The following GPC3 variants were observed in gnomAD, a reference collection of about 807,000 sequenced individuals.
GPC3 encodes glypican-3.
In GPC3, 3 loss-of-function variants were observed where a neutral mutation model predicts 34.4. The observed-to-expected ratio is 0.09, with a 90% confidence interval of 0.04 to 0.23. GPC3 has a LOEUF of 0.23. Ranked by LOEUF, GPC3 falls within the 10% of genes least tolerant of loss-of-function variation. The probability of loss-of-function intolerance (pLI) is 1.00; values close to 1 mark genes in which losing one functional copy is unlikely to be tolerated. For missense variants in GPC3, 351 were observed against 445.6 expected (o/e 0.79, Z 1.91); for synonymous variants, 177 against 174.0 (o/e 1.02, Z -0.13).
At chrX:133,841,215 ATTTTT>A (rs769696321) in intron 2 of GPC3, among the ~76,000 whole-genome samples, 3 of 39,248 alleles carry the variant, frequency 7.6e-5, no homozygotes, top group East Asian at 7.1e-4. Context: ...TAATCTTTTA[ATTTTT>A]TTTTTTTTTT....
chrX:133,843,851 C>T (rs1444033452), intron 2 of GPC3, among the ~76,000 whole-genome samples: 1 of 112,085 alleles, frequency 8.9e-6, no homozygotes, highest in African/African-American at 3.2e-5. Context: ...AAATTTCTTC[C>T]ACAAAGTCAT....
intron 6 of GPC3, 54 bp downstream of exon 6, chrX:133,661,674 CCT>C (rs2070728067): frequency 2.9e-6 from 1 of 340,879 alleles, no homozygotes; most frequent in Non-Finnish European, 4.5e-6. Context: ...TCCCCCTCCT[CCT>C]CTCTCTCGGT....
At chrX:133,852,821 C>T (rs1321807706) in intron 2 of GPC3, among the ~76,000 whole-genome samples, 1 of 109,987 alleles carries the variant, frequency 9.1e-6, no homozygotes, top group African/African-American at 3.3e-5. Flanking sequence ...GTACCATTAC[C>T]ACCTATAACT....
chrX:133,868,787 C>T (rs1203207710), intron 2 of GPC3, among the ~76,000 whole-genome samples: 1 of 111,500 alleles, frequency 9.0e-6, no homozygotes, highest in Non-Finnish European at 1.9e-5. Flanking sequence ...CCTCCTCCCT[C>T]CCTTCCTCTG....
chrX:133,784,450 C>G (rs2072082480), intron 2 of GPC3, among the ~76,000 whole-genome samples: 1 of 111,360 alleles, frequency 9.0e-6, no homozygotes, highest in Non-Finnish European at 1.9e-5. Flanking sequence ...CCTCTGGAAT[C>G]TAGGAGCCCA....
chrX:133,634,711 G>C (rs1014792007), intron 6 of GPC3, among the ~76,000 whole-genome samples: 1 of 111,952 alleles, frequency 8.9e-6, no homozygotes, highest in Non-Finnish European at 1.9e-5. Context: ...CAGGCCTATG[G>C]GGCAACTTGT....
intron 3 of GPC3, among the ~76,000 whole-genome samples, chrX:133,707,520 G>T (rs2071228848): frequency 9.0e-6 from 1 of 111,465 alleles, no homozygotes; most frequent in African/African-American, 3.3e-5. Flanking sequence ...GATTCAACAA[G>T]ATGAGGACCT....
At chrX:133,634,679 G>A (rs954583899) in intron 6 of GPC3, among the ~76,000 whole-genome samples, 2 of 111,957 alleles carry the variant, frequency 1.8e-5, no homozygotes, top group Non-Finnish European at 3.8e-5. Flanking sequence ...GGGCTGGGGT[G>A]GGAATGAGAA....
chrX:133,635,831 TAA>T lies in GPC3; in HGVS notation c.1413+25897_1413+25898del, dbSNP rs59085251. ...GTTATGGGAATTCAGTGTGTGTACATAAAAAAAAAAAAAACACTTCATAAATT... is the reference window on the plus strand; with the variant it reads ...GTTATGGGAATTCAGTGTGTGTACATAAAAAAAAAAAACACTTCATAAATT... On this transcript the variant is annotated intron_variant, in intron 6 of 7. Coordinates refer to ENST00000370818, the MANE Select transcript of GPC3 (RefSeq NM_004484.4). 5.2e-3 allele frequency among the ~76,000 whole-genome samples: 488 copies of T among 93,108 alleles called. 1 individual carries two copies. Among genetic ancestry groups the T allele is most frequent in the African/African-American group, 0.016 (429 of 27,142 alleles). The allele number at this position is 93,108 out of a possible 115,157, so 80.9% of individuals were successfully genotyped here. A position where few individuals can be genotyped will look rare whatever the true frequency, so the allele number is the denominator to read the frequency against.
At chrX:133,785,742 G>T (rs1350743187) in intron 2 of GPC3, among the ~76,000 whole-genome samples, 3 of 112,024 alleles carry the variant, frequency 2.7e-5, no homozygotes, top group Non-Finnish European at 5.6e-5. Context: ...AAAATGACAT[G>T]ATGTCTAATC....
At chrX:133,776,346 T>C (rs1166370630) in intron 2 of GPC3, among the ~76,000 whole-genome samples, 1 of 111,088 alleles carries the variant, frequency 9.0e-6, no homozygotes, top group East Asian at 2.8e-4. Flanking sequence ...CGCAGACCCC[T>C]TTTCCAGCAC....
chrX:133,733,420 A>G (rs780966799), intron 3 of GPC3, among the ~76,000 whole-genome samples: 6 of 111,220 alleles, frequency 5.4e-5, no homozygotes, highest in Non-Finnish European at 7.5e-5. Context: ...ACAAAAAACT[A>G]CTTGTACCCC....
intron 1 of GPC3, among the ~76,000 whole-genome samples, chrX:133,966,038 G>A (rs1242565900): frequency 4.5e-5 from 5 of 111,472 alleles, no homozygotes; most frequent in South Asian, 3.8e-4. Context: ...AATAGAGGCC[G>A]AATACTACTT....
Position 133,813,541 on chromosome X carries a change from T to G in GPC3, c.338-59365A>C, listed in dbSNP as rs1307763403. ...GTAAAGTTAGGAAATAAAAAAACTT[T>G]GATTCTCTGGCAAGCATTAGAAAAC... On this transcript the variant is annotated intron_variant, in intron 2 of 7. Coordinates refer to ENST00000370818, the MANE Select transcript of GPC3 (RefSeq NM_004484.4). 8.9e-5 allele frequency among the ~76,000 whole-genome samples: 10 copies of G among 112,480 alleles called. No homozygotes were observed. In the Admixed American group the frequency reaches 9.4e-4, roughly 11 times the overall value.
rs979299251 is a variant in GPC3, at chrX:133,715,642, T to C, written c.1033-15614A>G. On this transcript the variant is annotated intron_variant, in intron 3 of 7. Coordinates refer to ENST00000370818, the MANE Select transcript of GPC3 (RefSeq NM_004484.4). ...CAAAAGCCTTTTCCCTGGAGACATCTGCTGAACTCAATTAGAGGTAATTAT... is the reference window on the plus strand; with the variant it reads ...CAAAAGCCTTTTCCCTGGAGACATCCGCTGAACTCAATTAGAGGTAATTAT... Among the ~76,000 whole-genome samples the C allele has an allele frequency of 9.0e-5, 10 of 111,285 alleles. No individual in the cohort carries two copies. The East Asian group carries it at 2.8e-3, about 32-fold the overall frequency.
At chrX:133,950,086 G>A (rs772766615) in intron 2 of GPC3, among the ~76,000 whole-genome samples, 1 of 112,259 alleles carries the variant, frequency 8.9e-6, no homozygotes, top group South Asian at 3.7e-4. Context: ...AAGAAAAAGA[G>A]AAAGGAAAGT....
intron 1 of GPC3, among the ~76,000 whole-genome samples, chrX:133,982,476 G>A (rs1184821233): frequency 1.8e-5 from 2 of 112,073 alleles, no homozygotes; most frequent in Non-Finnish European, 3.8e-5. Context: ...GAGATTGTAA[G>A]GCTTTAGATC....
intron 7 of GPC3, among the ~76,000 whole-genome samples, chrX:133,581,837 A>G (rs768730449): frequency 8.9e-6 from 1 of 112,688 alleles, no homozygotes; most frequent in South Asian, 3.7e-4. Context: ...TCTTTACTGA[A>G]TTGGATAATA....
intron 5 of GPC3, among the ~76,000 whole-genome samples, chrX:133,682,415 A>G (rs1321701637): frequency 9.0e-6 from 1 of 111,641 alleles, no homozygotes; most frequent in Non-Finnish European, 1.9e-5. Flanking sequence ...AATCCAGTTT[A>G]CCTTTATGGG....
Sources: allele counts gnomAD v4.1 joint callset (sites outside exome capture counted in the v4.1 genomes callset), GRCh38; gene constraint gnomAD v4.1.1; transcripts MANE v1.5; gene names NCBI Gene and HGNC (gene_info 2026-07-23, HGNC 2026-07-21).